CLCN5: variants seen among roughly 807,000 people sequenced by gnomAD.
CLCN5 encodes the protein H(+)/Cl(-) exchange transporter 5.
Under a neutral mutation model 54.0 loss-of-function variants are expected in CLCN5, and 17 were observed. The ratio of observed to expected loss-of-function variants is 0.31; its 90% CI spans 0.22 to 0.47. CLCN5 has a LOEUF of 0.47. CLCN5 is among the 20% of genes least tolerant of loss of function. The probability of loss-of-function intolerance (pLI) is 1.00; values close to 1 mark genes in which losing one functional copy is unlikely to be tolerated. For synonymous variants in CLCN5, 222 were observed against 233.0 expected (o/e 0.95, Z 0.43); for missense variants, 448 against 646.7 (o/e 0.69, Z 3.33).
intron 3 of CLCN5, among the ~76,000 whole-genome samples, chrX:49,988,713 C>T (rs781859155): frequency 1.8e-5 from 2 of 111,851 alleles, no homozygotes; most frequent in African/African-American, 3.3e-5. Flanking sequence ...AAAATATAAG[C>T]TTCATTTTTA....
At chrX:50,023,178 A>T (rs1272779591) in intron 3 of CLCN5, among the ~76,000 whole-genome samples, 5 of 84,532 alleles carry the variant, frequency 5.9e-5, no homozygotes, top group Non-Finnish European at 1.0e-4. Flanking sequence ...TGGGTGCATA[A>T]ATATTTAGGA....
intron 6 of CLCN5, among the ~76,000 whole-genome samples, chrX:50,075,159 A>G (rs1557191940): frequency 9.0e-6 from 1 of 111,286 alleles, no homozygotes; most frequent in African/African-American, 3.3e-5. Flanking sequence ...CTCACCTTCC[A>G]TGCACATCAC....
At chrX:50,068,838 CT>C (rs1489469459) in intron 4 of CLCN5, among the ~76,000 whole-genome samples, 1 of 111,817 alleles carries the variant, frequency 8.9e-6, no homozygotes, top group East Asian at 2.8e-4. Flanking sequence ...GATGGCATTA[CT>C]CTGCACTTTT....
At chrX:50,056,473 G>A (rs1557188957) in intron 4 of CLCN5, among the ~76,000 whole-genome samples, 1 of 111,533 alleles carries the variant, frequency 9.0e-6, no homozygotes, top group Non-Finnish European at 1.9e-5. Context: ...TTTGTGGGGA[G>A]CCCTCTCAGC....
At chrX:49,976,430 G>C (rs1271339341) in intron 3 of CLCN5, among the ~76,000 whole-genome samples, 1 of 111,995 alleles carries the variant, frequency 8.9e-6, no homozygotes, top group Non-Finnish European at 1.9e-5. Context: ...GGGATCATTG[G>C]TATCAAATAC....
intron 3 of CLCN5, among the ~76,000 whole-genome samples, chrX:49,925,893 G>A (rs782106047): frequency 5.3e-5 from 6 of 112,514 alleles, no homozygotes; most frequent in African/African-American, 1.6e-4. Flanking sequence ...TCATGAACTT[G>A]TGAATTCCTA....
chrX:49,992,575 A>G (rs1023480251), intron 3 of CLCN5, among the ~76,000 whole-genome samples: 7 of 111,822 alleles, frequency 6.3e-5, no homozygotes, highest in African/African-American at 2.3e-4. Flanking sequence ...TGTGTTGAGG[A>G]GAAAAATGCT....
At chrX:50,053,007 TTAATTAA>T (rs1192190084) in intron 4 of CLCN5, among the ~76,000 whole-genome samples, 1 of 111,838 alleles carries the variant, frequency 8.9e-6, no homozygotes, top group Non-Finnish European at 1.9e-5. Flanking sequence ...CTCTCTTTGT[TTAATTAA>T]TTAATCTCTA....
intron 4 of CLCN5, among the ~76,000 whole-genome samples, chrX:50,056,250 C>T (rs1356307537): frequency 9.0e-6 from 1 of 110,498 alleles, no homozygotes; most frequent in Non-Finnish European, 1.9e-5. Context: ...GACAGAAGAA[C>T]TGGAGAATTG....
Position 50,077,812 on chromosome X carries a change from C to CAAAAAA in CLCN5, c.603+1862_603+1867dup, listed in dbSNP as rs35768604. 1.3e-4 allele frequency among the ~76,000 whole-genome samples: 3 copies of CAAAAAA among 22,339 alleles called. 1 individual carries two copies. The highest frequency in any genetic ancestry group is 2.1e-4 in the Non-Finnish European group (3 of 14,602). 19.4% of individuals were successfully genotyped at this position (22,339 alleles called of 115,157 possible). A position where few individuals can be genotyped will look rare whatever the true frequency, so the allele number is the denominator to read the frequency against. ...CCAACATGGTGAAACCCTGTCTCTA[C>CAAAAAA]AAAAAAAAAAAAAAAAAAAAAAAAA... On this transcript the variant is annotated intron_variant, in intron 7 of 14. Coordinates refer to ENST00000376091, the MANE Select transcript of CLCN5 (RefSeq NM_001127898.4).
intron 4 of CLCN5, among the ~76,000 whole-genome samples, chrX:50,044,917 A>G (rs1557187620): frequency 9.0e-6 from 1 of 111,301 alleles, no homozygotes; most frequent in African/African-American, 3.3e-5. Flanking sequence ...ACCAGGCTCT[A>G]TTGTAGGCAC....
intron 3 of CLCN5, among the ~76,000 whole-genome samples, chrX:49,988,586 G>A (rs1557178515): frequency 9.0e-6 from 1 of 111,095 alleles, no homozygotes. Flanking sequence ...CTTTCTCAAG[G>A]CAGCTGTGCT....
At chrX:50,003,509 C>G in intron 3 of CLCN5, 1 of 381,974 alleles carries the variant, frequency 2.6e-6, no homozygotes. Context: ...TCCCTGCTCC[C>G]TCTCTCACAT....
intron 3 of CLCN5, among the ~76,000 whole-genome samples, chrX:49,960,786 A>G (rs782546940): frequency 1.8e-5 from 2 of 111,015 alleles, no homozygotes; most frequent in South Asian, 7.8e-4. Context: ...GCCTGCAGAC[A>G]TATCCAAGAA....
At chrX:49,985,282 A>G (rs929324109) in intron 3 of CLCN5, among the ~76,000 whole-genome samples, 3 of 111,461 alleles carry the variant, frequency 2.7e-5, no homozygotes, top group Middle Eastern at 4.7e-3. Context: ...TATGATTTCT[A>G]TGTGGTTGGA....
At chrX:50,001,382 C>G (rs1929798940) in intron 3 of CLCN5, among the ~76,000 whole-genome samples, 1 of 110,609 alleles carries the variant, frequency 9.0e-6, no homozygotes, top group Non-Finnish European at 1.9e-5. Flanking sequence ...CTACTCATTT[C>G]TCTGTTCCTC....
chrX:50,050,804 C>T (rs1932560040), intron 4 of CLCN5, among the ~76,000 whole-genome samples: 1 of 108,522 alleles, frequency 9.2e-6, no homozygotes, highest in Admixed American at 9.9e-5. Flanking sequence ...GCTGGGACTA[C>T]AGGTGCCTGC....
At chrX:49,953,702 A>G (rs1266099130) in intron 3 of CLCN5, among the ~76,000 whole-genome samples, 1 of 112,276 alleles carries the variant, frequency 8.9e-6, no homozygotes, top group Non-Finnish European at 1.9e-5. Flanking sequence ...AGTGTTCCCT[A>G]TCATTACATG....
At chrX:49,982,113 G>GA (rs1283239303) in intron 3 of CLCN5, among the ~76,000 whole-genome samples, 17 of 105,241 alleles carry the variant, frequency 1.6e-4, no homozygotes, top group East Asian at 5.9e-4. Flanking sequence ...GCATTTAGGG[G>GA]AAAAAAAAAA....
Sources: gnomAD v4.1 joint callset for allele counts (sites outside exome capture counted in the v4.1 genomes callset) on GRCh38, gnomAD v4.1.1 for gene constraint, MANE v1.5 for transcripts, NCBI Gene and HGNC (gene_info 2026-07-23, HGNC 2026-07-21) for gene names.